Variants in SECISBP2 observed in about 807,000 individuals in gnomAD.
SECISBP2 encodes selenocysteine insertion sequence-binding protein 2.
Under a neutral mutation model 98.2 loss-of-function variants are expected in SECISBP2, and 96 were observed. The observed-to-expected ratio is 0.98, with a 90% CI of 0.83 to 1.16. The LOEUF is 1.16. SECISBP2 is among the 50% of genes most tolerant of loss of function. The pLI is 0.00. For missense variants in SECISBP2, 1,046 were observed against 1,022.9 expected, an observed-to-expected ratio of 1.02 and a Z score of -0.31; for synonymous variants, 407 against 370.2, an observed-to-expected ratio of 1.10 and a Z score of -1.14.
In SECISBP2 at chr9:89,341,444, A is replaced by G. The variant is rs766495750; in HGVS notation, c.1400A>G (p.His467Arg). Residue 467 changes from histidine to arginine, a missense_variant, in exon 10 of 17, where the codon CAT becomes CGT. Coordinates refer to ENST00000375807, the MANE Select transcript of SECISBP2 (RefSeq NM_024077.5). Reference sequence around the variant, plus strand: ...CTGGAGAAGAAGCAGCACTCTCAGCATGCAAAGCAGTCCTCCAAACCAGTG... The same window carrying G: ...CTGGAGAAGAAGCAGCACTCTCAGCGTGCAAAGCAGTCCTCCAAACCAGTG... ...TALEKKQHSQ[H>R]AKQSSKPVVV... The G allele has an allele frequency of 1.9e-6, 3 of 1,614,182 alleles. No homozygotes were observed. The highest frequency in any genetic ancestry group is 2.5e-6 in the Non-Finnish European group (3 of 1,180,014).
At chr9:89,337,024 T>C (rs960445757) in intron 7 of SECISBP2, among the ~76,000 whole-genome samples, 6 of 152,252 alleles carry the variant, frequency 3.9e-5, no homozygotes, top group African/African-American at 1.4e-4. Flanking sequence ...TCCATCTGCC[T>C]CGGCCTCCCC....
chr9:89,364,259 G>T, downstream of SECISBP2: 1 of 450,918 alleles, frequency 2.2e-6, no homozygotes, highest in Non-Finnish European at 4.1e-6. Flanking sequence ...TTACAGAATG[G>T]TTCTGGGCCT....
chr9:89,364,094 G>A, downstream of SECISBP2: 2 of 1,530,056 alleles, frequency 1.3e-6, no homozygotes, highest in African/African-American at 1.4e-5. Context: ...CCCTGGGACT[G>A]CCCTGGAGGT....
chr9:89,364,105 GGCTTCCCCAT>G, downstream of SECISBP2: 1 of 1,501,006 alleles, frequency 6.7e-7, no homozygotes. Flanking sequence ...CCCTGGAGGT[GGCTTCCCCAT>G]GGCCAGCGGG....
In SECISBP2 at chr9:89,354,094, C is replaced by G. The variant is rs542130489; in HGVS notation, c.2113+3242C>G. On this transcript the variant is annotated intron_variant, in intron 14 of 16. Transcript: ENST00000375807. Reference sequence around the variant, plus strand: ...TGAAATGGAAATAATCTGAGCCTAGCATCTTGCTTGTTTGACATAAGCTTT... The same window carrying G: ...TGAAATGGAAATAATCTGAGCCTAGGATCTTGCTTGTTTGACATAAGCTTT... 3.9e-5 allele frequency among the ~76,000 whole-genome samples: 6 copies of G among 152,352 alleles called. No individual in the cohort carries two copies. The East Asian group carries it at 9.6e-4, about 24-fold the overall frequency.
intron 5 of SECISBP2, among the ~76,000 whole-genome samples, chr9:89,330,776 C>G (rs1001458331): frequency 6.6e-6 from 1 of 152,318 alleles, no homozygotes; most frequent in South Asian, 2.1e-4. Context: ...ACGGCGCTGC[C>G]GGTCTTCATC....
chr9:89,359,862 A>G (rs978482005), downstream of SECISBP2, among the ~76,000 whole-genome samples: 1 of 152,218 alleles, frequency 6.6e-6, no homozygotes, highest in Non-Finnish European at 1.5e-5. Context: ...TCCTGGCTCA[A>G]TCCCAACCTG....
downstream of SECISBP2, chr9:89,359,667 T>C (rs1354310045): frequency 6.6e-6 from 1 of 152,250 alleles, no homozygotes; most frequent in African/African-American, 2.4e-5. Flanking sequence ...CTGGTGATTT[T>C]AGGCTTCTCA....
chr9:89,354,027 G>A (rs1831688256), intron 14 of SECISBP2, among the ~76,000 whole-genome samples: 1 of 152,210 alleles, frequency 6.6e-6, no homozygotes, highest in Non-Finnish European at 1.5e-5. Flanking sequence ...TACTGTATTT[G>A]CTCTGAGTGG....
intron 10 of SECISBP2, among the ~76,000 whole-genome samples, chr9:89,344,535 A>G (rs1318832563): frequency 1.3e-5 from 2 of 152,210 alleles, no homozygotes; most frequent in Admixed American, 6.5e-5. Flanking sequence ...ATGGCTAGCC[A>G]GTTATCCCAG....
At chr9:89,340,437 G>A (rs963451473) in intron 9 of SECISBP2, among the ~76,000 whole-genome samples, 7 of 152,210 alleles carry the variant, frequency 4.6e-5, no homozygotes, top group African/African-American at 1.7e-4. Flanking sequence ...GAGGGAGCTT[G>A]TGAGTCATAA....
At chr9:89,338,805 G>A (rs1377545529) in intron 8 of SECISBP2, among the ~76,000 whole-genome samples, 1 of 151,990 alleles carries the variant, frequency 6.6e-6, no homozygotes, top group Non-Finnish European at 1.5e-5. Flanking sequence ...TGAATGGTCT[G>A]GAGACAAAAC....
At chr9:89,319,547 G>C in intron 1 of SECISBP2, 105 bp from the exon 2 acceptor site, 1 of 1,291,594 alleles carries the variant, frequency 7.7e-7, no homozygotes, top group Non-Finnish European at 1.1e-6. Context: ...AAACAACATC[G>C]GGAACATTTC....
Position 89,358,792 on chromosome 9 carries a change from T to G in SECISBP2, c.2533T>G (p.Ser845Ala), listed in dbSNP as rs1588032523. Residue 845 changes from serine to alanine, a missense_variant, in exon 17 of 17, where the codon TCA becomes GCA. Physicochemically the swap from Ser to Ala is moderately conservative, Grantham distance 99 (BLOSUM62 1). Coordinates refer to ENST00000375807, the MANE Select transcript of SECISBP2 (RefSeq NM_024077.5). ...TLELEESLEASTSQMMNLNL is the reference protein window; with the variant it reads ...TLELEESLEAATSQMMNLNL The stretch of plus-strand genomic sequence containing the variant: ...GGAGCTAGAAGAATCCTTGGAGGCT[T>G]CAACCTCTCAAATGATGAATTTGAA... The G allele has an allele frequency of 6.2e-7, 1 of 1,613,262 alleles. No homozygotes were observed. Among genetic ancestry groups the G allele is most frequent in the Non-Finnish European group, 8.5e-7 (1 of 1,179,166 alleles).
At chr9:89,361,515 A>G (rs1482171545), downstream of SECISBP2, 1 of 152,236 alleles carries the variant, frequency 6.6e-6, no homozygotes, top group African/African-American at 2.4e-5. Flanking sequence ...ACAAGTTCAC[A>G]CACACAGTGA....
chr9:89,343,227 A>G (rs1200244099), intron 10 of SECISBP2, among the ~76,000 whole-genome samples: 1 of 152,216 alleles, frequency 6.6e-6, no homozygotes, highest in Non-Finnish European at 1.5e-5. Context: ...AAAACGCACA[A>G]TATGTCATAA....
intron 10 of SECISBP2, among the ~76,000 whole-genome samples, chr9:89,345,038 A>C (rs1830224643): frequency 6.6e-6 from 1 of 152,246 alleles, no homozygotes; most frequent in Admixed American, 6.5e-5. Context: ...TAGTGACACA[A>C]GCAATACTAG....
In SECISBP2 at chr9:89,328,791, A is replaced by G; in HGVS notation, c.706A>G (p.Ile236Val). Residue 236 changes from isoleucine (I) to valine (V), a missense_variant, in exon 5 of 17, where the codon ATA becomes GTA. By Grantham distance (29) the Ile-to-Val change is conservative (BLOSUM62 3). Coordinates refer to ENST00000375807, the MANE Select transcript of SECISBP2 (RefSeq NM_024077.5). The part of the protein sequence containing the change: ...LQGAENNMSE[I>V]QKQPKWGPVH... ...AGGTGCAGAGAACAATATGTCAGAG[A>G]TACAGAAGCAACCCAAGTGGGGACC... 1 of 1,614,234 alleles carries G rather than the reference A, an allele frequency of 6.2e-7. No individual in the cohort carries two copies. The highest frequency in any genetic ancestry group is 8.5e-7 in the Non-Finnish European group (1 of 1,180,034).
At position 89,345,800 on chromosome 9, in the gene SECISBP2, G is replaced by A. The variant is rs569437463; in HGVS notation, c.1436-1082G>A. ...CTATGAGCCATACAGGGTTTTCCACGAAGAGCTGAGAAAAACAATTGAGCC... is the reference window on the plus strand; with the variant it reads ...CTATGAGCCATACAGGGTTTTCCACAAAGAGCTGAGAAAAACAATTGAGCC... On this transcript the variant is annotated intron_variant, in intron 10 of 16. Coordinates refer to ENST00000375807, the MANE Select transcript of SECISBP2 (RefSeq NM_024077.5). 4.7e-4 allele frequency among the ~76,000 whole-genome samples: 72 copies of A among 152,250 alleles called. No homozygotes were observed. In the South Asian group the frequency reaches 0.013, roughly 28 times the overall value.
Sources: gnomAD v4.1 joint callset for allele counts (sites outside exome capture counted in the v4.1 genomes callset) on GRCh38, gnomAD v4.1.1 for gene constraint, MANE v1.5 for transcripts, NCBI Gene and HGNC (gene_info 2026-07-23, HGNC 2026-07-21) for gene names.